Variants in COMMD10 observed in about 807,000 individuals in gnomAD.
COMMD10 encodes COMM domain containing 10.
COMMD10 carries 33 observed loss-of-function variants against 28.9 expected under a neutral mutation model. The ratio of observed to expected loss-of-function variants is 1.14; its 90% CI spans 0.87 to 1.53. COMMD10 has a LOEUF of 1.53. Ranked by LOEUF, COMMD10 falls within the 40% of genes most tolerant of loss-of-function variation. The pLI, the probability that COMMD10 is intolerant of heterozygous loss-of-function variation, is 0.00. For missense variants in COMMD10, 310 were observed against 233.4 expected (o/e 1.33, Z -2.14); for synonymous variants, 110 against 81.7 (o/e 1.35, Z -1.87).
intron 6 of COMMD10, among the ~76,000 whole-genome samples, chr5:116,291,824 T>G (rs1210791001): frequency 6.6e-6 from 1 of 152,128 alleles, no homozygotes; most frequent in East Asian, 1.9e-4. Flanking sequence ...TATAAAACAT[T>G]AAGTAATGAA....
intron 5 of COMMD10, among the ~76,000 whole-genome samples, chr5:116,232,868 T>C (rs1483649440): frequency 3.3e-5 from 5 of 152,156 alleles, no homozygotes; most frequent in African/African-American, 1.2e-4. Flanking sequence ...ACCTATGAGA[T>C]ACAGGACAAG....
intron 5 of COMMD10, among the ~76,000 whole-genome samples, chr5:116,160,253 G>T (rs1752872365): frequency 6.6e-6 from 1 of 152,166 alleles, no homozygotes; most frequent in Admixed American, 6.5e-5. Flanking sequence ...AACTTTTGCT[G>T]CAGGTTACTG....
intron 5 of COMMD10, chr5:116,255,597 T>C (rs1430599410): frequency 1.3e-5 from 2 of 151,624 alleles, no homozygotes; most frequent in African/African-American, 2.4e-5. Context: ...CTGAAGACAT[T>C]TGCTAATATG....
chr5:116,258,924 T>C (rs1300222372), intron 5 of COMMD10, among the ~76,000 whole-genome samples: 8 of 151,714 alleles, frequency 5.3e-5, no homozygotes. Context: ...TTTTATTCTT[T>C]TTTTCAGTAG....
At chr5:116,171,460 C>T (rs181404892) in intron 5 of COMMD10, among the ~76,000 whole-genome samples, 2 of 152,264 alleles carry the variant, frequency 1.3e-5, no homozygotes, top group African/African-American at 2.4e-5. Flanking sequence ...CCATTTGATA[C>T]AGCAATCCCC....
At chr5:116,251,864 G>A (rs10062898) in intron 5 of COMMD10, among the ~76,000 whole-genome samples, 4,957 of 152,052 alleles carry the variant, frequency 0.033, 243 homozygotes, top group African/African-American at 0.11. Context: ...CTGAGGATTC[G>A]CCACACTGAC....
intron 4 of COMMD10, among the ~76,000 whole-genome samples, chr5:116,114,923 G>T (rs557422308): frequency 3.1e-4 from 47 of 152,252 alleles, no homozygotes; most frequent in Non-Finnish European, 5.6e-4. Flanking sequence ...CTTGGGGGTT[G>T]CCTAGCTCCC....
chr5:116,160,724 G>A (rs1752889367), intron 5 of COMMD10, among the ~76,000 whole-genome samples: 1 of 152,038 alleles, frequency 6.6e-6, no homozygotes, highest in African/African-American at 2.4e-5. Context: ...TCAGAACCTT[G>A]GCATATAAAA....
chr5:116,229,597 A>G (rs969792500), intron 5 of COMMD10, among the ~76,000 whole-genome samples: 6 of 152,058 alleles, frequency 3.9e-5, no homozygotes, highest in African/African-American at 1.4e-4. Context: ...AGGAGAAGAC[A>G]GTATGATTTT....
chr5:116,251,289 T>C (rs1285371441), intron 5 of COMMD10, among the ~76,000 whole-genome samples: 1 of 134,658 alleles, frequency 7.4e-6, no homozygotes, highest in East Asian at 2.0e-4. Flanking sequence ...TTTATTTATT[T>C]ATTTATTTAT....
At chr5:116,171,172 G>A (rs1246536521) in intron 5 of COMMD10, among the ~76,000 whole-genome samples, 1 of 152,046 alleles carries the variant, frequency 6.6e-6, no homozygotes, top group South Asian at 2.1e-4. Flanking sequence ...GCAAAGGATA[G>A]GAACAGACAC....
intron 5 of COMMD10, among the ~76,000 whole-genome samples, chr5:116,257,837 A>C (rs1237671762): frequency 1.3e-5 from 2 of 151,782 alleles, no homozygotes; most frequent in African/African-American, 4.9e-5. Flanking sequence ...TGTGCCTACA[A>C]GGTAAAGATT....
chr5:116,115,269 C>G (rs1247389163), intron 4 of COMMD10, among the ~76,000 whole-genome samples: 1 of 152,134 alleles, frequency 6.6e-6, no homozygotes. Context: ...ACAATTGATT[C>G]TCCAGTAGGA....
chr5:116,210,376 G>A (rs183582975), intron 5 of COMMD10, among the ~76,000 whole-genome samples: 1 of 151,722 alleles, frequency 6.6e-6, no homozygotes, highest in East Asian at 1.9e-4. Context: ...GCATACTTAT[G>A]TGTTTATATG....
At chr5:116,171,869 C>T (rs973699181) in intron 5 of COMMD10, among the ~76,000 whole-genome samples, 5 of 152,058 alleles carry the variant, frequency 3.3e-5, no homozygotes, top group Non-Finnish European at 7.4e-5. Flanking sequence ...GGAGAAATAC[C>T]TAATGTAGAT....
At chr5:116,244,635 TAAC>T (rs1749893269) in intron 5 of COMMD10, among the ~76,000 whole-genome samples, 1 of 88,412 alleles carries the variant, frequency 1.1e-5, no homozygotes, top group Non-Finnish European at 2.2e-5. Context: ...CATTACCACT[TAAC>T]AAGTAAGGAA....
Position 116,238,984 on chromosome 5 carries a change from G to A in COMMD10, c.511-52533G>A, listed in dbSNP as rs1288415755. Among the ~76,000 whole-genome samples, 3 of 152,048 alleles carry A rather than the reference G, an allele frequency of 2.0e-5. No homozygotes were observed. The South Asian group carries it at 6.2e-4, about 31-fold the overall frequency. ...TTTCTCCAAGATTAAAGCAATTCTA[G>A]CATAGTAGCAGCATGCTGCATCAAC... is the stretch of plus-strand genomic sequence containing the variant. On this transcript the variant is annotated intron_variant, in intron 5 of 6. Transcript: ENST00000274458.
chr5:116,273,006 G>T (rs1213769122), intron 5 of COMMD10, among the ~76,000 whole-genome samples: 1 of 151,592 alleles, frequency 6.6e-6, no homozygotes, highest in African/African-American at 2.4e-5. Context: ...TTTCTTTTGG[G>T]CATTGTCTCC....
chr5:116,110,623 A>T (rs1471128251), intron 4 of COMMD10, among the ~76,000 whole-genome samples: 1 of 152,290 alleles, frequency 6.6e-6, no homozygotes, highest in South Asian at 2.1e-4. Context: ...ACATTGCTAC[A>T]CAGAAATACC....
Sources: gnomAD v4.1 joint callset for allele counts (sites outside exome capture counted in the v4.1 genomes callset) on GRCh38, gnomAD v4.1.1 for gene constraint, MANE v1.5 for transcripts, NCBI Gene and HGNC (gene_info 2026-07-23, HGNC 2026-07-21) for gene names.